AVL9: variants seen among roughly 807,000 people sequenced by gnomAD.
The protein encoded by AVL9 is AVL9 cell migration associated.
A neutral mutation model predicts 79.2 loss-of-function variants in AVL9; 49 were observed. The observed-to-expected ratio is 0.62, with a 90% CI of 0.49 to 0.79. The LOEUF (loss-of-function observed/expected upper bound fraction) is 0.79, where lower values mean the gene tolerates loss of function less well. Among genes scored for constraint, AVL9 ranks in the 30% least tolerant of loss-of-function variants. The probability of loss-of-function intolerance (pLI) is 0.00; values close to 1 mark genes in which losing one functional copy is unlikely to be tolerated. For missense variants in AVL9, 682 were observed against 776.8 expected (o/e 0.88, Z 1.45); for synonymous variants, 299 against 280.6 (o/e 1.07, Z -0.65).
At chr7:32,567,040 A>G (rs182116862) in intron 10 of AVL9, among the ~76,000 whole-genome samples, 2 of 152,362 alleles carry the variant, frequency 1.3e-5, no homozygotes, top group Admixed American at 1.3e-4. Context: ...TAAAAAATAC[A>G]CAATTGCCTC....
chr7:32,543,258 G>A lies in AVL9; in HGVS notation c.211G>A (p.Glu71Lys), dbSNP rs952694394. 1 of 1,613,770 alleles carries A rather than the reference G, an allele frequency of 6.2e-7. No homozygotes were observed. The highest frequency in any genetic ancestry group is 1.7e-5 in the Admixed American group (1 of 59,932). ...ALPDGAHNYQ[E>K]DTVFFHLPPR... ...ACCAGATGGCGCACACAACTACCAG[G>A]AAGGTATGTAACAAGACAGTGAAGC... The change falls in exon 2 of 16, where the codon GAA becomes AAA. Residue 71 changes from glutamate (E) to lysine (K), a missense_variant. Coordinates refer to ENST00000318709, the MANE Select transcript of AVL9 (RefSeq NM_015060.3).
At chr7:32,562,712 G>A (rs1790381397) in intron 10 of AVL9, 3 of 648,226 alleles carry the variant, frequency 4.6e-6, no homozygotes, top group South Asian at 1.4e-4. Flanking sequence ...CTTGAAACCA[G>A]GATCTAGAAA....
At chr7:32,545,255 G>A (rs1282409585) in intron 3 of AVL9, among the ~76,000 whole-genome samples, 3 of 149,962 alleles carry the variant, frequency 2.0e-5, no homozygotes, top group Non-Finnish European at 4.4e-5. Flanking sequence ...CTACAGGTGT[G>A]CACCACTGTG....
intron 1 of AVL9, among the ~76,000 whole-genome samples, chr7:32,518,285 A>G (rs1411701867): frequency 6.6e-6 from 1 of 152,234 alleles, no homozygotes; most frequent in Non-Finnish European, 1.5e-5. Context: ...GTTGACAGGG[A>G]AATAACTTTA....
chr7:32,506,135 A>G (rs1787403098), intron 1 of AVL9, among the ~76,000 whole-genome samples: 1 of 152,178 alleles, frequency 6.6e-6, no homozygotes, highest in African/African-American at 2.4e-5. Context: ...GCTAGGCACA[A>G]GAGATTAACA....
intron 1 of AVL9, among the ~76,000 whole-genome samples, chr7:32,501,752 T>A (rs1029852593): frequency 2.0e-5 from 3 of 152,198 alleles, no homozygotes; most frequent in African/African-American, 7.2e-5. Context: ...TGATCCCTAG[T>A]AAAATACTTA....
intron 12 of AVL9, among the ~76,000 whole-genome samples, chr7:32,573,777 T>G (rs753048944): frequency 2.0e-5 from 3 of 152,246 alleles, no homozygotes; most frequent in Non-Finnish European, 4.4e-5. Context: ...CATCAGTATT[T>G]GGCAGCTGTT....
At chr7:32,560,388 TCAA>T (rs906516537) in intron 10 of AVL9, among the ~76,000 whole-genome samples, 1 of 101,252 alleles carries the variant, frequency 9.9e-6, no homozygotes, top group Admixed American at 9.0e-5. Flanking sequence ...TGTTGTCATT[TCAA>T]CAACATTCAC....
intron 1 of AVL9, among the ~76,000 whole-genome samples, chr7:32,504,167 A>G (rs535157475): frequency 6.6e-6 from 1 of 152,382 alleles, no homozygotes; most frequent in African/African-American, 2.4e-5. Context: ...GATGTATAAA[A>G]GATTGCCAGG....
intron 1 of AVL9, among the ~76,000 whole-genome samples, chr7:32,509,982 C>G (rs1787583842): frequency 6.6e-6 from 1 of 152,258 alleles, no homozygotes; most frequent in Non-Finnish European, 1.5e-5. Context: ...GTCCTTGTAA[C>G]TTACTGAGGC....
intron 1 of AVL9, among the ~76,000 whole-genome samples, chr7:32,539,948 C>T (rs1263942171): frequency 1.3e-5 from 2 of 152,196 alleles, no homozygotes; most frequent in African/African-American, 4.8e-5. Context: ...TCTGTGATTA[C>T]ACTTTACCCG....
At chr7:32,517,811 G>GT (rs143487006) in intron 1 of AVL9, among the ~76,000 whole-genome samples, 24,090 of 128,578 alleles carry the variant, frequency 0.19, 1,949 homozygotes, top group East Asian at 0.24. Context: ...TTGCTTGTGT[G>GT]TTTTTTTTTT....
At chr7:32,582,785 C>T (rs1056537227) in intron 15 of AVL9, among the ~76,000 whole-genome samples, 2 of 152,130 alleles carry the variant, frequency 1.3e-5, no homozygotes, top group African/African-American at 4.8e-5. Context: ...CAACCCCTGG[C>T]AGGATCCTCC....
At chr7:32,515,895 A>C (rs979962962) in intron 1 of AVL9, among the ~76,000 whole-genome samples, 1 of 152,050 alleles carries the variant, frequency 6.6e-6, no homozygotes, top group Admixed American at 6.6e-5. Flanking sequence ...AAAGAAAAAA[A>C]AATCAATTTC....
intron 1 of AVL9, among the ~76,000 whole-genome samples, chr7:32,501,845 C>G (rs1787140939): frequency 6.6e-6 from 1 of 152,108 alleles, no homozygotes; most frequent in Non-Finnish European, 1.5e-5. Context: ...AAAGGGAAGA[C>G]TGCAGAAGGG....
chr7:32,553,017 G>A (rs1248497097), intron 6 of AVL9, among the ~76,000 whole-genome samples: 1 of 152,096 alleles, frequency 6.6e-6, no homozygotes, highest in Non-Finnish European at 1.5e-5. Context: ...TATCCATTTT[G>A]TGATTAAAAC....
chr7:32,523,569 G>A (rs1031866241), intron 1 of AVL9, among the ~76,000 whole-genome samples: 3 of 119,380 alleles, frequency 2.5e-5, no homozygotes, highest in African/African-American at 9.4e-5. Context: ...AGGCTGGAAT[G>A]TAGTGGTGCA....
At chr7:32,570,294 G>A (rs1790771055) in intron 11 of AVL9, 140 bp downstream of exon 11, 8 of 1,180,948 alleles carry the variant, frequency 6.8e-6, no homozygotes, top group Non-Finnish European at 9.7e-6. Flanking sequence ...AGTATTTTAT[G>A]TGTATTAACT....
intron 1 of AVL9, among the ~76,000 whole-genome samples, chr7:32,502,405 A>AAAAAG (rs1554332473): frequency 2.1e-5 from 3 of 146,048 alleles, no homozygotes; most frequent in African/African-American, 5.0e-5. Flanking sequence ...AAAAAAAAAA[A>AAAAAG]AAAAGAAAGA....
Sources: allele counts gnomAD v4.1 joint callset (sites outside exome capture counted in the v4.1 genomes callset), GRCh38; gene constraint gnomAD v4.1.1; transcripts MANE v1.5; gene names NCBI Gene and HGNC (gene_info 2026-07-23, HGNC 2026-07-21).